KCTD1: variants seen among roughly 807,000 people sequenced by gnomAD.
KCTD1 encodes the protein potassium channel tetramerization domain containing 1.
In KCTD1, 24 loss-of-function variants were observed where a neutral mutation model predicts 66.0. The ratio of observed to expected loss-of-function variants is 0.36; its 90% CI spans 0.26 to 0.51. The LOEUF (loss-of-function observed/expected upper bound fraction) is 0.51, where lower values mean the gene tolerates loss of function less well. Among genes scored for constraint, KCTD1 ranks in the 20% least tolerant of loss-of-function variants. The pLI is 0.95. For missense variants in KCTD1, 943 were observed against 1,205.2 expected (o/e 0.78, Z 3.22); for synonymous variants, 511 against 517.2 (o/e 0.99, Z 0.16).
chr18:26,610,648 AGGG>A (rs2144991636), intron 1 of KCTD1, among the ~76,000 whole-genome samples: 1 of 147,080 alleles, frequency 6.8e-6, no homozygotes, highest in African/African-American at 2.5e-5. Context: ...GAGGGAGAGA[AGGG>A]AGGGAGGGAG....
chr18:26,647,751 C>T (rs889557401), intron 1 of KCTD1, among the ~76,000 whole-genome samples: 4 of 152,040 alleles, frequency 2.6e-5, no homozygotes, highest in African/African-American at 9.7e-5. Flanking sequence ...ATTTCTTTGA[C>T]CATTGTGAGT....
At position 26,570,931 on chromosome 18, in the gene KCTD1, C is replaced by T. The variant is rs113038707; in HGVS notation, c.-16+58216G>A. On this transcript the variant is annotated intron_variant, in intron 1 of 4. Coordinates refer to the KCTD1 transcript ENST00000317932. Reference sequence around the variant, plus strand: ...TCTAAATCATATGCCGAGTATAACTCAATTAATCTCTGAGTTTGTTTCAGG... The same window carrying T: ...TCTAAATCATATGCCGAGTATAACTTAATTAATCTCTGAGTTTGTTTCAGG... 3.7e-3 allele frequency among the ~76,000 whole-genome samples: 569 copies of T among 152,304 alleles called. 4 individuals carry two copies. Among genetic ancestry groups the T allele is most frequent in the African/African-American group, 0.013 (524 of 41,564 alleles).
intron 1 of KCTD1, among the ~76,000 whole-genome samples, chr18:26,558,637 A>G (rs1363061163): frequency 6.6e-6 from 1 of 152,172 alleles, no homozygotes; most frequent in African/African-American, 2.4e-5. Context: ...AAAAAGAATG[A>G]GATCGGCCAG....
At chr18:26,518,049 G>A (rs565841002) in intron 1 of KCTD1, among the ~76,000 whole-genome samples, 1 of 152,306 alleles carries the variant, frequency 6.6e-6, no homozygotes, top group East Asian at 1.9e-4. Flanking sequence ...GCAGGGGTAG[G>A]AACTGTGTTT....
chr18:26,475,557 A>T (rs1286957529), intron 3 of KCTD1, among the ~76,000 whole-genome samples: 1 of 152,238 alleles, frequency 6.6e-6, no homozygotes, highest in Non-Finnish European at 1.5e-5. Context: ...TTCTCTAAAA[A>T]GGCTATTGAC....
At position 26,548,224 on chromosome 18, in the gene KCTD1, G is replaced by T; in HGVS notation, c.313C>A (p.Leu105Met). The T allele has an allele frequency of 6.6e-7, 1 of 1,509,306 alleles. No homozygotes were observed. Among genetic ancestry groups the T allele is most frequent in the Non-Finnish European group, 8.8e-7 (1 of 1,132,626 alleles). 93.5% of individuals were successfully genotyped at this position (1,509,306 alleles called of 1,614,324 possible). The change falls in exon 1 of 5, where the codon CTG (leucine) becomes ATG (methionine). Residue 105 changes from leucine to methionine, a missense_variant. Around this residue, in one of 10 missense-constraint regions of KCTD1, gnomAD observed 236 missense variants for 206.6 expected, o/e 1.14. Transcript: ENST00000580059. ...TCCCCGGCCGAGTCCTCGGGCTCCA[G>T]GGGCTCGTCCCAGTCCAGCCCCATC... Reference protein sequence around the residue: ...EEMGLDWDEPLEPEDSAGEEL... With the variant: ...EEMGLDWDEPMEPEDSAGEEL...
intron 1 of KCTD1, among the ~76,000 whole-genome samples, chr18:26,577,268 TTTAC>T (rs1311166369): frequency 6.6e-6 from 1 of 152,208 alleles, no homozygotes; most frequent in Non-Finnish European, 1.5e-5. Context: ...GTTTATGATA[TTTAC>T]ATCTGGGCTT....
upstream of KCTD1, among the ~76,000 whole-genome samples, chr18:26,630,931 G>C (rs1987605835): frequency 1.3e-5 from 2 of 152,016 alleles, no homozygotes; most frequent in Non-Finnish European, 2.9e-5. Context: ...TTAAGTGAAA[G>C]TTTTAGAATT....
At position 26,548,041 on chromosome 18, in the gene KCTD1, C is replaced by T. The variant is rs1206540961; in HGVS notation, c.496G>A (p.Ala166Thr). The T allele has an allele frequency of 4.6e-6, 7 of 1,512,554 alleles. No individual in the cohort carries two copies. The highest frequency in any genetic ancestry group is 6.2e-6 in the Non-Finnish European group (7 of 1,132,664). 93.7% of individuals were successfully genotyped at this position (1,512,554 alleles called of 1,614,324 possible). A position where few individuals can be genotyped will look rare whatever the true frequency, so the allele number is the denominator to read the frequency against. Residue 166 changes from alanine to threonine, a missense_variant, in exon 1 of 5, where the codon GCC (alanine) becomes ACC (threonine). This residue lies in a region of KCTD1 where 96 missense variants were observed against 132.5 expected (regional missense o/e 0.72). Coordinates refer to ENST00000580059, the MANE Select transcript of KCTD1 (RefSeq NM_001142730.3). Reference sequence around the variant, plus strand: ...AGCCGGGTGTTCTCGCTCAGCCGGGCCCGCTCGGGGCGCTGCAGCACGTCG... The same window carrying T: ...AGCCGGGTGTTCTCGCTCAGCCGGGTCCGCTCGGGGCGCTGCAGCACGTCG... The part of the protein sequence containing the change: ...DPDVLQRPER[A>T]RLSENTRLAT...
chr18:26,647,679 T>C (rs1343846392), intron 1 of KCTD1, among the ~76,000 whole-genome samples: 1 of 151,970 alleles, frequency 6.6e-6, no homozygotes, highest in African/African-American at 2.4e-5. Context: ...CTGCCTTCCA[T>C]CCCAGACTTG....
Position 26,455,768 on chromosome 18 carries a change from C to T in KCTD1, c.2573G>A (p.Arg858Gln), listed in dbSNP as rs752135169. ...TTAGTCCAGAGGCTCTTGCTTTATC[C>T]GGATGACGGAGGGTACACGGGGCGT... The part of the protein sequence containing the change: ...RRTPRVPSVI[R>Q]IKQEPLD Residue 858 changes from arginine (R) to glutamine (Q), a missense_variant, in exon 5 of 5, where the codon CGG (arginine) becomes CAG (glutamine). Around this residue, in one of 10 missense-constraint regions of KCTD1, gnomAD observed 162 missense variants for 232.4 expected, o/e 0.70. Coordinates refer to ENST00000580059, the MANE Select transcript of KCTD1 (RefSeq NM_001142730.3). 76 of 1,613,878 alleles carry T rather than the reference C, an allele frequency of 4.7e-5. No individual in the cohort carries two copies. Among genetic ancestry groups the T allele is most frequent in the Non-Finnish European group, 5.5e-5 (65 of 1,179,988 alleles).
intron 1 of KCTD1, among the ~76,000 whole-genome samples, chr18:26,524,740 G>A (rs1984075995): frequency 6.6e-6 from 1 of 152,122 alleles, no homozygotes; most frequent in South Asian, 2.1e-4. Context: ...CTCTAAAGAG[G>A]AAAATGGGGG....
chr18:26,534,722 TC>T (rs1984605806), intron 1 of KCTD1, among the ~76,000 whole-genome samples: 1 of 152,178 alleles, frequency 6.6e-6, no homozygotes, highest in South Asian at 2.1e-4. Context: ...CTGCCTAAGA[TC>T]ATTCAGGTCA....
chr18:26,537,303 C>T (rs984484888), intron 1 of KCTD1, among the ~76,000 whole-genome samples: 2 of 152,038 alleles, frequency 1.3e-5, no homozygotes, highest in African/African-American at 2.4e-5. Context: ...GAAAGAATAT[C>T]ACAAAATAGA....
At chr18:26,562,786 C>T (rs1040209940) in intron 1 of KCTD1, among the ~76,000 whole-genome samples, 2 of 152,078 alleles carry the variant, frequency 1.3e-5, no homozygotes, top group Non-Finnish European at 2.9e-5. Context: ...TTGTAGATGA[C>T]CTCTTCTCTG....
At chr18:26,538,242 C>T (rs921856887) in intron 1 of KCTD1, among the ~76,000 whole-genome samples, 14 of 151,418 alleles carry the variant, frequency 9.2e-5, no homozygotes, top group Admixed American at 9.2e-4. Context: ...AGCAAAACTC[C>T]GTCTTAAAAA....
At position 26,502,112 on chromosome 18, in the gene KCTD1, C is replaced by T. The variant is rs573371242; in HGVS notation, c.1810-862G>A. Among the ~76,000 whole-genome samples, 207 of 152,308 alleles carry T rather than the reference C, an allele frequency of 1.4e-3. 4 individuals are homozygous for T. Among genetic ancestry groups the T allele is most frequent in the Non-Finnish European group, 1.5e-3 (103 of 68,032 alleles). ...TCGCCCAGGCTGGAGTGCAGTGGCA[C>T]GATCTCGGCTCACTGCCAGCTCCGC... On this transcript the variant is annotated intron_variant, in intron 1 of 4. Transcript: ENST00000580059.
In KCTD1 at chr18:26,496,393, T is replaced by G. The variant is rs189547166; in HGVS notation, c.1988+4679A>C. On this transcript the variant is annotated intron_variant, in intron 2 of 4. Coordinates refer to ENST00000580059, the MANE Select transcript of KCTD1 (RefSeq NM_001142730.3). The stretch of plus-strand genomic sequence containing the variant: ...AAGTGAAATTATTGCAGATCTGAAC[T>G]GGGTGTTTTTCTTGGGGATTACAAT... Among the ~76,000 whole-genome samples, 456 of 152,304 alleles carry G rather than the reference T, an allele frequency of 3.0e-3. 1 individual carries two copies. Among genetic ancestry groups the G allele is most frequent in the African/African-American group, 9.3e-3 (387 of 41,576 alleles).
intron 1 of KCTD1, chr18:26,655,930 A>G (rs1428608214): frequency 2.7e-5 from 4 of 149,768 alleles, no homozygotes; most frequent in Non-Finnish European, 4.4e-5. Context: ...CGCGCCCCCC[A>G]CCCCGTTCTT....
Sources: gnomAD v4.1 joint callset for allele counts (sites outside exome capture counted in the v4.1 genomes callset) on GRCh38, gnomAD v4.1.1 for gene constraint, gnomAD v4.1.1 regional missense constraint, MANE v1.5 for transcripts, NCBI Gene and HGNC (gene_info 2026-07-23, HGNC 2026-07-21) for gene names.